Variants in CATSPERB observed in about 807,000 individuals in gnomAD.
CATSPERB encodes catsper channel auxiliary subunit beta.
A neutral mutation model predicts 128.3 loss-of-function variants in CATSPERB; 93 were observed. That is an observed-to-expected ratio of 0.72 (90% CI 0.61 to 0.86). The LOEUF is 0.86. Ranked by LOEUF, CATSPERB falls within the 40% of genes least tolerant of loss-of-function variation. The pLI, the probability that CATSPERB is intolerant of heterozygous loss-of-function variation, is 0.00. For synonymous variants in CATSPERB, 381 were observed against 448.8 expected (o/e 0.85, Z 1.91); for missense variants, 1,153 against 1,329.5 (o/e 0.87, Z 2.06).
In CATSPERB at chr14:91,722,340, C is replaced by T. The variant is rs547203787; in HGVS notation, c.309+709G>A. On this transcript the variant is annotated intron_variant, in intron 4 of 26. Transcript: ENST00000256343. The stretch of plus-strand genomic sequence containing the variant: ...AACAAAATGTGGTATTTATACAATG[C>T]GATATTATTTGACCATATTATGCTA... Among the ~76,000 whole-genome samples the T allele has an allele frequency of 1.8e-3, 270 of 152,164 alleles. 1 individual carries two copies. The highest frequency in any genetic ancestry group is 4.9e-3 in the African/African-American group (204 of 41,504).
intron 22 of CATSPERB, among the ~76,000 whole-genome samples, chr14:91,605,946 C>T (rs138538627): frequency 0.03 from 4,614 of 152,192 alleles, 227 homozygotes; most frequent in African/African-American, 0.11. Context: ...GAGGCCGAGG[C>T]GGGCGGATCC....
chr14:91,667,347 A>G (rs143141773), intron 14 of CATSPERB, among the ~76,000 whole-genome samples: 33 of 152,200 alleles, frequency 2.2e-4, no homozygotes, highest in African/African-American at 7.9e-4. Context: ...TGTCTGGCAG[A>G]GGCAGGGAAA....
chr14:91,730,628 C>T lies in CATSPERB; in HGVS notation c.1-1149G>A, dbSNP rs141934297. 8.8e-3 allele frequency among the ~76,000 whole-genome samples: 1,338 copies of T among 152,190 alleles called. 8 individuals carry two copies. The highest frequency in any genetic ancestry group is 0.054 in the Middle Eastern group (16 of 294). On this transcript the variant is annotated intron_variant, in intron 1 of 26. Coordinates refer to ENST00000256343, the MANE Select transcript of CATSPERB (RefSeq NM_024764.4). ...TTTTGCTATTAGTAATAAAGTCCTT[C>T]GTCTCTGACCTAGGAGTCTTGTGTC...
chr14:91,730,209 C>T (rs888144948), intron 1 of CATSPERB, among the ~76,000 whole-genome samples: 1 of 152,094 alleles, frequency 6.6e-6, no homozygotes, highest in Admixed American at 6.5e-5. Context: ...TTAGGGTGGG[C>T]CCTCATCCAA....
At chr14:91,601,430 A>G (rs567494072) in intron 22 of CATSPERB, among the ~76,000 whole-genome samples, 1 of 152,320 alleles carries the variant, frequency 6.6e-6, no homozygotes, top group Non-Finnish European at 1.5e-5. Context: ...AGAGGGTGAG[A>G]GCCAAATGTA....
intron 2 of CATSPERB, among the ~76,000 whole-genome samples, chr14:91,727,768 A>G (rs895848411): frequency 6.6e-6 from 1 of 152,218 alleles, no homozygotes; most frequent in African/African-American, 2.4e-5. Context: ...TTTGAATAAC[A>G]TACTCTGAGC....
chr14:91,664,735 A>G (rs1566723429), intron 14 of CATSPERB, among the ~76,000 whole-genome samples: 1 of 152,118 alleles, frequency 6.6e-6, no homozygotes, highest in Non-Finnish European at 1.5e-5. Context: ...GCTATTGTTA[A>G]TCTGTTTCCA....
chr14:91,601,506 C>T (rs1893606824), intron 22 of CATSPERB, among the ~76,000 whole-genome samples: 1 of 152,076 alleles, frequency 6.6e-6, no homozygotes, highest in Non-Finnish European at 1.5e-5. Flanking sequence ...GGTGTTTACA[C>T]AATTTTTGTA....
intron 15 of CATSPERB, among the ~76,000 whole-genome samples, chr14:91,641,402 T>A (rs1376000009): frequency 6.6e-6 from 1 of 151,838 alleles, no homozygotes; most frequent in Admixed American, 6.6e-5. Context: ...CCATCTTGAA[T>A]TGATTTTTGT....
At chr14:91,602,304 C>A (rs1893619086) in intron 22 of CATSPERB, among the ~76,000 whole-genome samples, 1 of 152,096 alleles carries the variant, frequency 6.6e-6, no homozygotes, top group Non-Finnish European at 1.5e-5. Flanking sequence ...TAGTCTAGAA[C>A]ATACCATGTA....
At chr14:91,592,104 T>C (rs1443645215) in intron 22 of CATSPERB, 102 bp from the exon 23 acceptor site, 2 of 760,994 alleles carry the variant, frequency 2.6e-6, no homozygotes, top group Non-Finnish European at 2.3e-6. Context: ...AGAAGTGGAA[T>C]TCCTGAGAAG....
At chr14:91,657,830 T>A (rs954578020) in intron 15 of CATSPERB, among the ~76,000 whole-genome samples, 2 of 152,096 alleles carry the variant, frequency 1.3e-5, no homozygotes, top group Admixed American at 6.5e-5. Flanking sequence ...TATCATCTCA[T>A]CCCAGTTAAA....
chr14:91,672,846 C>A, intron 13 of CATSPERB, 21 bp downstream of exon 13: 1 of 1,501,260 alleles, frequency 6.7e-7, no homozygotes, highest in Non-Finnish European at 8.8e-7. Context: ...AGATAAATTC[C>A]CTCTGGGATA....
At chr14:91,594,299 G>A (rs1415727832) in intron 22 of CATSPERB, among the ~76,000 whole-genome samples, 1 of 152,010 alleles carries the variant, frequency 6.6e-6, no homozygotes, top group Non-Finnish European at 1.5e-5. Flanking sequence ...GACACAGGAA[G>A]GGGAACATCA....
At chr14:91,677,783 T>C (rs752935223) in intron 11 of CATSPERB, among the ~76,000 whole-genome samples, 3 of 152,322 alleles carry the variant, frequency 2.0e-5, no homozygotes, top group South Asian at 2.1e-4. Flanking sequence ...CTTGCTACTG[T>C]ATTGCAGCAC....
intron 10 of CATSPERB, among the ~76,000 whole-genome samples, chr14:91,687,693 G>A (rs547750280): frequency 6.6e-5 from 10 of 152,146 alleles, no homozygotes; most frequent in Non-Finnish European, 2.9e-5. Flanking sequence ...GGTGACTCAC[G>A]CCTGTAATCC....
intron 10 of CATSPERB, among the ~76,000 whole-genome samples, chr14:91,687,454 C>T (rs140736207): frequency 4.7e-4 from 71 of 152,192 alleles, no homozygotes; most frequent in African/African-American, 1.3e-3. Context: ...ATCCCTTGCC[C>T]CTCTGCCACG....
At chr14:91,594,980 T>A (rs1786180431) in intron 22 of CATSPERB, among the ~76,000 whole-genome samples, 1 of 152,000 alleles carries the variant, frequency 6.6e-6, no homozygotes, top group South Asian at 2.1e-4. Context: ...AGGAAAAAAA[T>A]TGAAAAAATT....
intron 15 of CATSPERB, among the ~76,000 whole-genome samples, chr14:91,652,670 C>CAAAAAAAA (rs58608847): frequency 4.8e-4 from 33 of 69,216 alleles, no homozygotes; most frequent in Admixed American, 7.1e-4. Flanking sequence ...GACTCTGTCT[C>CAAAAAAAA]AAAAAAAAAA....
Sources: allele counts gnomAD v4.1 joint callset (sites outside exome capture counted in the v4.1 genomes callset), GRCh38; gene constraint gnomAD v4.1.1; transcripts MANE v1.5; gene names NCBI Gene and HGNC (gene_info 2026-07-23, HGNC 2026-07-21).